The following CAPZA1 variants were observed in gnomAD, a reference collection of about 807,000 sequenced individuals.
CAPZA1 encodes the protein F-actin-capping protein subunit alpha-1.
A neutral mutation model predicts 40.8 loss-of-function variants in CAPZA1; 10 were observed. The ratio of observed to expected loss-of-function variants is 0.25; its 90% CI spans 0.15 to 0.42. CAPZA1 has a LOEUF of 0.42. CAPZA1 is among the 10% of genes least tolerant of loss of function. CAPZA1 has a pLI of 1.00. For synonymous variants in CAPZA1, 98 were observed against 115.0 expected (o/e 0.85, Z 0.95); for missense variants, 277 against 353.8 (o/e 0.78, Z 1.74).
intron 1 of CAPZA1, among the ~76,000 whole-genome samples, chr1:112,639,717 G>A (rs1671094131): frequency 6.6e-6 from 1 of 152,110 alleles, no homozygotes; most frequent in Non-Finnish European, 1.5e-5. Flanking sequence ...AAAATTAAAG[G>A]ATGAGGGATG....
chr1:112,664,083 T>TC (rs1671673606), intron 7 of CAPZA1, among the ~76,000 whole-genome samples: 1 of 151,864 alleles, frequency 6.6e-6, no homozygotes. Flanking sequence ...AATACAAAAA[T>TC]TAGCTGGCCA....
intron 1 of CAPZA1, among the ~76,000 whole-genome samples, chr1:112,641,229 AT>A (rs1456489607): frequency 6.3e-4 from 92 of 145,652 alleles, no homozygotes; most frequent in African/African-American, 2.1e-3. Flanking sequence ...AAAAAAAAAA[AT>A]AAATAAATAA....
chr1:112,635,816 G>A (rs905408742), intron 1 of CAPZA1, among the ~76,000 whole-genome samples: 1 of 152,160 alleles, frequency 6.6e-6, no homozygotes, highest in Non-Finnish European at 1.5e-5. Flanking sequence ...CAGATCATGA[G>A]GTCAGGAGTT....
At position 112,656,466 on chromosome 1, in the gene CAPZA1, T is replaced by TTTTTTTTTTC. The variant is rs1553180448; in HGVS notation, c.426+1795_426+1796insTTTTTTTTTC. Among the ~76,000 whole-genome samples, 46 of 94,402 alleles carry TTTTTTTTTTC rather than the reference T, an allele frequency of 4.9e-4. 7 individuals carry two copies. Among genetic ancestry groups the TTTTTTTTTTC allele is most frequent in the African/African-American group, 5.6e-4 (14 of 25,068 alleles). 61.9% of individuals were successfully genotyped at this position (94,402 alleles called of 152,430 possible). The stretch of plus-strand genomic sequence containing the variant: ...TTTTTTTTTTTTTTTTTTTTTTTTT[T>TTTTTTTTTTC]AATGAGAATACCCATTATGGTGGAC... On this transcript the variant is annotated intron_variant, in intron 5 of 9. Coordinates refer to ENST00000263168, the MANE Select transcript of CAPZA1 (RefSeq NM_006135.3).
intron 7 of CAPZA1, among the ~76,000 whole-genome samples, chr1:112,663,757 G>A (rs972045195): frequency 2.6e-5 from 4 of 151,936 alleles, no homozygotes; most frequent in Non-Finnish European, 4.4e-5. Context: ...TGCCCACCTC[G>A]GCCTCCCAAA....
At chr1:112,624,605 C>CAAAAAA (rs34860716) in intron 1 of CAPZA1, among the ~76,000 whole-genome samples, 2 of 55,828 alleles carry the variant, frequency 3.6e-5, no homozygotes, top group Non-Finnish European at 6.0e-5. Context: ...AAAACTCCAT[C>CAAAAAA]AAAAAAAAAA....
At chr1:112,668,738 A>T (rs576724237) in intron 8 of CAPZA1, among the ~76,000 whole-genome samples, 3 of 152,102 alleles carry the variant, frequency 2.0e-5, no homozygotes, top group Admixed American at 2.0e-4. Flanking sequence ...CGGCCTCCCA[A>T]AGTGCTGGGA....
chr1:112,633,486 T>A (rs1050429510), intron 1 of CAPZA1, among the ~76,000 whole-genome samples: 1 of 152,210 alleles, frequency 6.6e-6, no homozygotes, highest in East Asian at 1.9e-4. Flanking sequence ...TATCCATTCA[T>A]CTGTTGAGTT....
chr1:112,647,095 T>TAAAC (rs1292365249), intron 1 of CAPZA1, 115 bp from the exon 2 acceptor site: 11 of 513,922 alleles, frequency 2.1e-5, no homozygotes, highest in Admixed American at 3.3e-5. Context: ...AGTAAATGTT[T>TAAAC]AAACAGAACA....
intron 1 of CAPZA1, among the ~76,000 whole-genome samples, chr1:112,645,852 C>T (rs1671270570): frequency 6.6e-6 from 1 of 151,472 alleles, no homozygotes; most frequent in Non-Finnish European, 1.5e-5. Flanking sequence ...GTCCCAGCTA[C>T]TCAGGAGGCT....
chr1:112,662,600 G>C (rs981109269), intron 7 of CAPZA1, among the ~76,000 whole-genome samples: 13 of 151,672 alleles, frequency 8.6e-5, no homozygotes, highest in Non-Finnish European at 1.6e-4. Context: ...GGGTTTCACT[G>C]TGTTAGCCAG....
intron 7 of CAPZA1, among the ~76,000 whole-genome samples, chr1:112,662,612 C>A (rs936501770): frequency 1.3e-5 from 2 of 151,796 alleles, no homozygotes; most frequent in African/African-American, 2.4e-5. Flanking sequence ...GTTAGCCAGG[C>A]TGGTCTCGAA....
chr1:112,656,294 G>T (rs1671498192), intron 5 of CAPZA1, among the ~76,000 whole-genome samples: 1 of 152,044 alleles, frequency 6.6e-6, no homozygotes, highest in Non-Finnish European at 1.5e-5. Context: ...ACTGTAAAAT[G>T]GAAATAATTG....
intron 2 of CAPZA1, among the ~76,000 whole-genome samples, chr1:112,648,991 T>C (rs897071626): frequency 2.0e-5 from 3 of 151,838 alleles, no homozygotes; most frequent in Non-Finnish European, 4.4e-5. Flanking sequence ...ACTAGACTTC[T>C]GATACACAGC....
chr1:112,637,700 G>T (rs1671049259), intron 1 of CAPZA1, among the ~76,000 whole-genome samples: 1 of 152,210 alleles, frequency 6.6e-6, no homozygotes. Context: ...CGTTTCTCCA[G>T]CTTTGGCCTC....
rs149094327 is a variant in CAPZA1 at position 112,621,208 on chromosome 1, T to A, written c.39+1325T>A. ...TGTATAAGCCTATGCTGGAAATCGA[T>A]CTATAATAAATTGTTCTAAGGCAAA... On this transcript the variant is annotated intron_variant, in intron 1 of 9. Transcript: ENST00000263168. Among the ~76,000 whole-genome samples the A allele has an allele frequency of 4.5e-3, 680 of 152,368 alleles. 1 individual carries two copies. Among genetic ancestry groups the A allele is most frequent in the African/African-American group, 0.016 (648 of 41,584 alleles).
At chr1:112,641,036 G>C (rs1311839254) in intron 1 of CAPZA1, among the ~76,000 whole-genome samples, 4 of 152,016 alleles carry the variant, frequency 2.6e-5, no homozygotes. Flanking sequence ...TGCTCATTAA[G>C]AGTCATCACC....
chr1:112,653,762 C>A, intron 4 of CAPZA1, 101 bp downstream of exon 4: 1 of 812,910 alleles, frequency 1.2e-6, no homozygotes, highest in South Asian at 1.6e-5. Context: ...ATAAATTTGT[C>A]TTAGTTTTTA....
intron 3 of CAPZA1, among the ~76,000 whole-genome samples, chr1:112,651,688 A>T (rs1671388394): frequency 9.2e-6 from 1 of 108,142 alleles, no homozygotes; most frequent in African/African-American, 3.7e-5. Flanking sequence ...TAAAATATTT[A>T]CTTCCTACTC....
Sources: gnomAD v4.1 joint callset for allele counts (sites outside exome capture counted in the v4.1 genomes callset) on GRCh38, gnomAD v4.1.1 for gene constraint, MANE v1.5 for transcripts, NCBI Gene and HGNC (gene_info 2026-07-23, HGNC 2026-07-21) for gene names.